GALNS: variants seen among roughly 807,000 people sequenced by gnomAD.
The protein encoded by GALNS is galactosamine (N-acetyl)-6-sulfatase, also known as N-acetylgalactosamine-6-sulfatase.
A neutral mutation model predicts 65.9 loss-of-function variants in GALNS; 65 were observed. The ratio of observed to expected loss-of-function variants is 0.99; its 90% CI spans 0.81 to 1.21. GALNS has a LOEUF of 1.21. Ranked by LOEUF, GALNS falls within the 50% of genes most tolerant of loss-of-function variation. The pLI is 0.00. For synonymous variants in GALNS, 346 were observed against 288.9 expected, an observed-to-expected ratio of 1.20 and a Z score of -2.00; for missense variants, 776 against 700.7, an observed-to-expected ratio of 1.11 and a Z score of -1.21.
intron 9 of GALNS, among the ~76,000 whole-genome samples, chr16:88,831,205 C>T (rs952538898): frequency 5.3e-5 from 8 of 151,960 alleles, no homozygotes; most frequent in East Asian, 1.9e-4. Context: ...GACCTGGTTC[C>T]GAGGAGAGCG....
intron 9 of GALNS, among the ~76,000 whole-genome samples, chr16:88,829,640 AT>A (rs1362448680): frequency 6.6e-6 from 1 of 152,226 alleles, no homozygotes; most frequent in Non-Finnish European, 1.5e-5. Flanking sequence ...CTGCCCAGGC[AT>A]GGTGGGCAGG....
intron 12 of GALNS, among the ~76,000 whole-genome samples, chr16:88,819,885 G>A (rs1216221728): frequency 6.6e-6 from 1 of 152,092 alleles, no homozygotes; most frequent in Admixed American, 6.5e-5. Context: ...GTAGAGACGG[G>A]GTTTCACCAT....
At chr16:88,835,892 C>A (rs1912076247) in intron 6 of GALNS, 43 bp from the exon 7 acceptor site, 1 of 1,612,764 alleles carries the variant, frequency 6.2e-7, no homozygotes. Flanking sequence ...CTCAGGCCGA[C>A]CTCCTCATGC....
chr16:88,855,927 G>C, intron 1 of GALNS: 3 of 551,224 alleles, frequency 5.4e-6, no homozygotes, highest in Non-Finnish European at 9.8e-6. Context: ...CACACACAAC[G>C]TGAGCACGGC....
chr16:88,816,630 C>G (rs965820208), intron 13 of GALNS: 21 of 985,044 alleles, frequency 2.1e-5, no homozygotes, highest in Non-Finnish European at 2.5e-5. Context: ...CCATGGTCCT[C>G]ACTGCTGGTA....
chr16:88,843,461 G>A (rs539510115), intron 1 of GALNS: 13 of 348,100 alleles, frequency 3.7e-5, no homozygotes, highest in South Asian at 2.2e-4. Context: ...AAGTGCGGCC[G>A]GCGTGTACTA....
intron 5 of GALNS, among the ~76,000 whole-genome samples, chr16:88,836,542 T>C (rs1912160180): frequency 6.6e-6 from 1 of 151,956 alleles, no homozygotes; most frequent in Non-Finnish European, 1.5e-5. Flanking sequence ...TAATCCCAGC[T>C]ACTTGAGAGG....
intron 9 of GALNS, among the ~76,000 whole-genome samples, chr16:88,828,088 C>T (rs1027070492): frequency 5.9e-5 from 9 of 152,324 alleles, no homozygotes; most frequent in East Asian, 1.9e-4. Context: ...CAAAGCTCAG[C>T]GTTTGCCAGG....
rs1363455345 is a variant in GALNS, at chr16:88,856,606, TC to T, written c.120+151del. 102 of 164,508 alleles carry T rather than the reference TC, an allele frequency of 6.2e-4. No individual in the cohort carries two copies. The African/African-American group carries it at 8.5e-3, about 14-fold the overall frequency. 10.2% of individuals were successfully genotyped at this position (164,508 alleles called of 1,614,324 possible). On this transcript the variant is annotated intron_variant, in intron 1 of 13. Transcript: ENST00000268695. The stretch of plus-strand genomic sequence containing the variant: ...ACCCCCCGTCCCCTCCCCCTCCTCC[TC>T]CCCGCGCGGGGCCTCCCCCCTTCCC...
rs1455519350 is a variant in GALNS at position 88,856,741 on chromosome 16, C to T, written c.120+17G>A. ...CGCCCCACCCCGGCCCTGCCCCGTC[C>T]CACCGCCCGCACTCACGTCGTCCAT... On this transcript the variant is annotated intron_variant, in intron 1 of 13. Transcript: ENST00000268695. 36 of 1,493,182 alleles carry T rather than the reference C, an allele frequency of 2.4e-5. 1 individual carries two copies. The East Asian group carries it at 8.6e-4, about 36-fold the overall frequency. The allele number at this position is 1,493,182 out of a possible 1,614,324, so 92.5% of individuals were successfully genotyped here. A position where few individuals can be genotyped will look rare whatever the true frequency, so the allele number is the denominator to read the frequency against.
rs1418049656 is a variant in GALNS, at chr16:88,841,921, T to G, written c.295A>C (p.Thr99Pro). Reference sequence around the variant, plus strand: ...CCGTTTCTGGCATGGGCGTTGGTGGTGTAGAAGCCATTGCGGATGGGTAGC... The same window carrying G: ...CCGTTTCTGGCATGGGCGTTGGTGGGGTAGAAGCCATTGCGGATGGGTAGC... ...GRLPIRNGFYTTNAHARNAYT... is the reference protein window; with the variant it reads ...GRLPIRNGFYPTNAHARNAYT... The change falls in exon 3 of 14, where the codon ACC becomes CCC. Residue 99 changes from threonine to proline, a missense_variant. By Grantham distance (38) the Thr-to-Pro change is conservative (BLOSUM62 -1). Transcript: ENST00000268695. The G allele has an allele frequency of 6.2e-7, 1 of 1,613,344 alleles. No individual in the cohort carries two copies. Among genetic ancestry groups the G allele is most frequent in the Non-Finnish European group, 8.5e-7 (1 of 1,179,814 alleles).
chr16:88,829,416 C>T (rs577570255), intron 9 of GALNS, among the ~76,000 whole-genome samples: 142 of 152,386 alleles, frequency 9.3e-4, no homozygotes, highest in African/African-American at 3.1e-3. Flanking sequence ...CTCACAGCCA[C>T]TCTGCCCTTC....
intron 4 of GALNS, 45 bp downstream of exon 4, chr16:88,840,947 G>T: frequency 1.4e-6 from 2 of 1,467,296 alleles, no homozygotes; most frequent in Non-Finnish European, 9.6e-7. Context: ...AGGCCAGGAA[G>T]TGGATGGAGC....
At chr16:88,823,643 C>T (rs1189035972) in intron 11 of GALNS, among the ~76,000 whole-genome samples, 1 of 25,916 alleles carries the variant, frequency 3.9e-5, no homozygotes, top group African/African-American at 2.0e-4. Flanking sequence ...GGACGGCCCT[C>T]GCAGGCGGCA....
chr16:88,838,305 G>A (rs894089552), intron 4 of GALNS, among the ~76,000 whole-genome samples: 39 of 152,154 alleles, frequency 2.6e-4, no homozygotes, highest in Non-Finnish European at 5.9e-5. Flanking sequence ...GTTGTGTGCC[G>A]TGCGGGAGCC....
At chr16:88,851,331 C>T (rs995256083) in intron 1 of GALNS, among the ~76,000 whole-genome samples, 2 of 152,158 alleles carry the variant, frequency 1.3e-5, no homozygotes, top group East Asian at 3.9e-4. Context: ...CTGGGTCTCA[C>T]AGACAGACAC....
At chr16:88,841,656 G>A (rs936310747) in intron 3 of GALNS, among the ~76,000 whole-genome samples, 1 of 152,214 alleles carries the variant, frequency 6.6e-6, no homozygotes, top group African/African-American at 2.4e-5. Flanking sequence ...TCTGGGGTGG[G>A]GGTGCCGGCT....
intron 8 of GALNS, among the ~76,000 whole-genome samples, chr16:88,834,608 C>G (rs534106511): frequency 1.4e-5 from 2 of 140,274 alleles, no homozygotes; most frequent in South Asian, 2.6e-4. Context: ...GGGCCCCCCC[C>G]GTGTGGTCTG....
intron 13 of GALNS, chr16:88,816,044 T>G: frequency 1.0e-6 from 1 of 985,334 alleles, no homozygotes; most frequent in South Asian, 4.7e-5. Flanking sequence ...CGCGTGTCTG[T>G]GCATCTCCCC....
Sources: allele counts gnomAD v4.1 joint callset (sites outside exome capture counted in the v4.1 genomes callset), GRCh38; gene constraint gnomAD v4.1.1; transcripts MANE v1.5; gene names NCBI Gene and HGNC (gene_info 2026-07-23, HGNC 2026-07-21).